The following GPC5 variants were observed in gnomAD, a reference collection of about 807,000 sequenced individuals.
GPC5 encodes glypican 5.
In GPC5, 47 loss-of-function variants were observed where a neutral mutation model predicts 53.9. The observed-to-expected ratio is 0.87, with a 90% CI of 0.69 to 1.11. The LOEUF (loss-of-function observed/expected upper bound fraction) is 1.11, where lower values mean the gene tolerates loss of function less well. Among genes scored for constraint, GPC5 ranks in the 50% most tolerant of loss-of-function variants. The pLI is 0.00. For synonymous variants in GPC5, 286 were observed against 263.3 expected, an observed-to-expected ratio of 1.09 and a Z score of -0.84; for missense variants, 748 against 713.1, an observed-to-expected ratio of 1.05 and a Z score of -0.56.
chr13:92,662,890 G>A (rs1465710477), intron 7 of GPC5, among the ~76,000 whole-genome samples: 6 of 152,076 alleles, frequency 3.9e-5, no homozygotes, highest in Non-Finnish European at 7.4e-5. Context: ...TCCACTAATT[G>A]CCTTATTTAT....
intron 7 of GPC5, among the ~76,000 whole-genome samples, chr13:92,512,687 C>T (rs1880617911): frequency 6.6e-6 from 1 of 152,124 alleles, no homozygotes; most frequent in Admixed American, 6.6e-5. Flanking sequence ...GGGAAGGGTT[C>T]ACATTATTCA....
intron 7 of GPC5, among the ~76,000 whole-genome samples, chr13:92,365,225 T>G (rs953422968): frequency 6.6e-6 from 1 of 151,818 alleles, no homozygotes. Flanking sequence ...CAAACCTGCA[T>G]AGTACGTTAT....
intron 3 of GPC5, among the ~76,000 whole-genome samples, chr13:91,700,889 T>G (rs2035977577): frequency 6.6e-6 from 1 of 152,238 alleles, no homozygotes; most frequent in African/African-American, 2.4e-5. Flanking sequence ...TTTTTAATAA[T>G]GCCTAGTGAT....
At chr13:92,255,507 GTAT>G (rs1378738812) in intron 7 of GPC5, among the ~76,000 whole-genome samples, 1 of 151,618 alleles carries the variant, frequency 6.6e-6, no homozygotes, top group Non-Finnish European at 1.5e-5. Flanking sequence ...AAATAAAAGA[GTAT>G]TATTATAATG....
intron 7 of GPC5, among the ~76,000 whole-genome samples, chr13:92,840,223 C>T (rs1333349340): frequency 6.6e-6 from 1 of 150,956 alleles, no homozygotes; most frequent in East Asian, 1.9e-4. Flanking sequence ...GATTCCCTTC[C>T]TTTTTAAGGT....
chr13:91,598,009 A>T (rs2033055336), intron 2 of GPC5, among the ~76,000 whole-genome samples: 1 of 152,282 alleles, frequency 6.6e-6, no homozygotes. Context: ...ACATCAGAAA[A>T]TAGAGACCAT....
intron 7 of GPC5, among the ~76,000 whole-genome samples, chr13:92,726,890 G>A (rs2139294252): frequency 6.6e-6 from 1 of 151,486 alleles, no homozygotes; most frequent in South Asian, 2.1e-4. Context: ...TTTTGTTTAT[G>A]GAGAAAAGAG....
chr13:91,835,443 T>A (rs1280554205), intron 5 of GPC5, among the ~76,000 whole-genome samples: 1 of 152,218 alleles, frequency 6.6e-6, no homozygotes, highest in Non-Finnish European at 1.5e-5. Context: ...ACACATATGT[T>A]TATTGTGGCA....
At chr13:92,354,405 G>C (rs1034363395) in intron 7 of GPC5, among the ~76,000 whole-genome samples, 1 of 152,152 alleles carries the variant, frequency 6.6e-6, no homozygotes, top group African/African-American at 2.4e-5. Context: ...GTTACTAACA[G>C]GTGAAATAGA....
intron 1 of GPC5, among the ~76,000 whole-genome samples, chr13:91,405,697 T>C (rs1436139676): frequency 6.6e-6 from 1 of 152,182 alleles, no homozygotes; most frequent in African/African-American, 2.4e-5. Context: ...CCTGGGCATG[T>C]GATCTGTGCA....
chr13:92,431,786 G>A (rs1213432348), intron 7 of GPC5, among the ~76,000 whole-genome samples: 1 of 152,084 alleles, frequency 6.6e-6, no homozygotes, highest in Admixed American at 6.6e-5. Context: ...GAAGGGAGAA[G>A]GAAGACTGTT....
chr13:92,104,718 A>G (rs1380092645), intron 6 of GPC5, among the ~76,000 whole-genome samples: 1 of 152,114 alleles, frequency 6.6e-6, no homozygotes. Flanking sequence ...GGGGTTAATG[A>G]GTTACTTATA....
intron 4 of GPC5, among the ~76,000 whole-genome samples, chr13:91,731,534 A>G (rs1477083887): frequency 6.6e-6 from 1 of 150,436 alleles, no homozygotes; most frequent in African/African-American, 2.5e-5. Flanking sequence ...ATTTTCTTTT[A>G]TTTTAGGTTC....
chr13:92,566,645 T>G (rs139821397), intron 7 of GPC5, among the ~76,000 whole-genome samples: 161 of 152,204 alleles, frequency 1.1e-3, no homozygotes, highest in African/African-American at 3.8e-3. Flanking sequence ...GGCTCTAGTG[T>G]TATGGTTTGG....
intron 7 of GPC5, among the ~76,000 whole-genome samples, chr13:92,292,489 G>A (rs1210926497): frequency 6.6e-6 from 1 of 151,984 alleles, no homozygotes; most frequent in Non-Finnish European, 1.5e-5. Context: ...TTTGAGAATT[G>A]TCTATTCATG....
chr13:92,169,297 T>C lies in GPC5; in HGVS notation c.1561+24308T>C, dbSNP rs573622625. 2.6e-5 allele frequency among the ~76,000 whole-genome samples: 4 copies of C among 152,374 alleles called. No individual in the cohort carries two copies. In the East Asian group the frequency reaches 7.7e-4, roughly 29 times the overall value. ...CCACCATGGCACATGTTTACCTATG[T>C]AACCAACCTGCACATCCTGTACATG... On this transcript the variant is annotated intron_variant, in intron 7 of 7. Transcript: ENST00000377067.
At chr13:92,618,938 C>G (rs1884785824) in intron 7 of GPC5, among the ~76,000 whole-genome samples, 1 of 151,850 alleles carries the variant, frequency 6.6e-6, no homozygotes, top group South Asian at 2.1e-4. Context: ...TCTATATTGA[C>G]TCACATGTTC....
intron 6 of GPC5, among the ~76,000 whole-genome samples, chr13:92,140,258 G>A (rs1183318769): frequency 6.6e-6 from 1 of 152,308 alleles, no homozygotes; most frequent in East Asian, 1.9e-4. Context: ...CAGATTGATG[G>A]TTCTGCAGTA....
At chr13:92,208,226 A>T (rs2042351366) in intron 7 of GPC5, among the ~76,000 whole-genome samples, 1 of 152,186 alleles carries the variant, frequency 6.6e-6, no homozygotes, top group Non-Finnish European at 1.5e-5. Context: ...TTCCGATGGC[A>T]TTGGCATATC....
Sources: allele counts gnomAD v4.1 joint callset (sites outside exome capture counted in the v4.1 genomes callset), GRCh38; gene constraint gnomAD v4.1.1; transcripts MANE v1.5; gene names NCBI Gene and HGNC (gene_info 2026-07-23, HGNC 2026-07-21).